Variants in ABHD17A observed in about 807,000 individuals in gnomAD.
ABHD17A encodes the protein alpha/beta hydrolase domain-containing protein 17A.
Under a neutral mutation model 26.8 loss-of-function variants are expected in ABHD17A, and 10 were observed. The ratio of observed to expected loss-of-function variants is 0.37; its 90% CI spans 0.23 to 0.63. ABHD17A has a LOEUF of 0.63. Among genes scored for constraint, ABHD17A ranks in the 30% least tolerant of loss-of-function variants. The pLI, the probability that ABHD17A is intolerant of heterozygous loss-of-function variation, is 0.61. For synonymous variants in ABHD17A, 167 were observed against 210.9 expected (o/e 0.79, Z 1.80); for missense variants, 292 against 457.3 (o/e 0.64, Z 3.30).
At chr19:1,884,604 G>C (rs964238568) in intron 1 of ABHD17A, among the ~76,000 whole-genome samples, 6 of 152,206 alleles carry the variant, frequency 3.9e-5, no homozygotes, top group South Asian at 2.1e-4. Context: ...AACCCGCCTG[G>C]GGGGAGGCGC....
At position 1,881,518 on chromosome 19, in the gene ABHD17A, G is replaced by A. The variant is rs2012532424; in HGVS notation, c.49C>T (p.Pro17Ser). 6.2e-7 allele frequency: 1 copy of A among 1,604,232 alleles called. No homozygotes were observed. The highest frequency in any genetic ancestry group is 8.5e-7 in the Non-Finnish European group (1 of 1,178,838). The change falls in exon 2 of 5, where the codon CCC becomes TCC. Residue 17 changes from proline to serine, a missense_variant. By Grantham distance (74) the Pro-to-Ser change is moderately conservative. This residue lies in a region of ABHD17A where 171 missense variants were observed against 216.1 expected (regional missense o/e 0.79). Coordinates refer to ENST00000292577, the MANE Select transcript of ABHD17A (RefSeq NM_001130111.2). ...SELCCLFCCP[P>S]CPGRIAAKLA... is the part of the protein sequence containing the mutation. The stretch of plus-strand genomic sequence containing the variant: ...TTGGCAGCGATGCGGCCGGGGCAGG[G>A]CGGGCAGCAGAAGAGGCAGCAGAGC...
Position 1,885,418 on chromosome 19 carries a change from C to A in ABHD17A, c.-305G>T, listed in dbSNP as rs1244593948. The A allele has an allele frequency of 1.3e-5, 2 of 152,386 alleles. No homozygotes were observed. Among genetic ancestry groups the A allele is most frequent in the Non-Finnish European group, 2.9e-5 (2 of 67,986 alleles). 9.4% of individuals were successfully genotyped at this position (152,386 alleles called of 1,614,324 possible). On this transcript the variant is annotated 5_prime_UTR_variant, in exon 1 of 5. Coordinates refer to ENST00000292577, the MANE Select transcript of ABHD17A (RefSeq NM_001130111.2). Reference sequence around the variant, plus strand: ...GGCTCCCGGCCGCCCGCCCGTGCGTCCGTCGGTCCCTCCGCACCCCTGCCC... The same window carrying A: ...GGCTCCCGGCCGCCCGCCCGTGCGTACGTCGGTCCCTCCGCACCCCTGCCC...
rs4807158 is a variant in ABHD17A at position 1,880,344 on chromosome 19, C to G, written c.333-229G>C. On this transcript the variant is annotated intron_variant, in intron 2 of 4. Coordinates refer to ENST00000292577, the MANE Select transcript of ABHD17A (RefSeq NM_001130111.2). The surrounding 1 kb of genome is among the most constrained non-coding windows in gnomAD (Gnocchi z 4.1). The stretch of plus-strand genomic sequence containing the variant: ...GAGGACAGGACAGCTGGCAGGGGGA[C>G]AGGCAGCCTGGGCTGCAGAGGCCAG... Among the ~76,000 whole-genome samples the G allele has an allele frequency of 0.15, 22,462 of 152,232 alleles. 2,053 individuals carry two copies. Among genetic ancestry groups the G allele is most frequent in the East Asian group, 0.32 (1,678 of 5,172 alleles).
rs116454773 is a variant in ABHD17A, at chr19:1,880,905, A to T, written c.332+330T>A. ...CTGGTCAGAACCCCACCTGGCGAGA[A>T]GGTGGATGTACCCGCAGGCCAGGGC... On this transcript the variant is annotated intron_variant, in intron 2 of 4. Transcript: ENST00000292577. This position sits in a 1 kb window ranked among gnomAD's most constrained non-coding sequence, Gnocchi z 4.1. 6.2e-7 allele frequency: 1 copy of T among 1,612,954 alleles called. No homozygotes were observed. The highest frequency in any genetic ancestry group is 1.3e-5 in the African/African-American group (1 of 74,936).
Position 1,877,396 on chromosome 19 carries a change from G to A in ABHD17A, c.737C>T (p.Pro246Leu), listed in dbSNP as rs766080707. 6.4e-7 allele frequency: 1 copy of A among 1,567,496 alleles called. No individual in the cohort carries two copies. Among genetic ancestry groups the A allele is most frequent in the East Asian group, 2.3e-5 (1 of 43,730 alleles). ...CTCCGTGCCGTGGATGATGAGCACG[G>A]GAGACGTGATCTTGGACACCTTCTC... The part of the protein sequence containing the change: ...NIEKVSKITS[P>L]VLIIHGTEDE... The change falls in exon 5 of 5, where the codon CCC (proline) becomes CTC (leucine). Residue 246 changes from proline to leucine, a missense_variant. Physicochemically the swap from Pro to Leu is moderately conservative, Grantham distance 98. Transcript: ENST00000292577.
At chr19:1,882,814 G>A (rs752882219) in intron 1 of ABHD17A, 1 of 152,036 alleles carries the variant, frequency 6.6e-6, no homozygotes, top group African/African-American at 2.4e-5. Flanking sequence ...AGACTGGAGC[G>A]AGGAGAGAGA....
chr19:1,876,998 C>T lies in ABHD17A; in HGVS notation c.*202G>A, dbSNP rs1456747021. On this transcript the variant is annotated 3_prime_UTR_variant, in exon 5 of 5. Transcript: ENST00000292577. ...CCCTAAAATTTTAAATCTTTAATTTCCGTTTTCACGTATTTTCTTCTTGCT... is the reference window on the plus strand; with the variant it reads ...CCCTAAAATTTTAAATCTTTAATTTTCGTTTTCACGTATTTTCTTCTTGCT... The T allele has an allele frequency of 1.7e-6, 1 of 583,778 alleles. No individual in the cohort carries two copies. The highest frequency in any genetic ancestry group is 3.0e-6 in the Non-Finnish European group (1 of 328,134). The allele number at this position is 583,778 out of a possible 1,614,324, so 36.2% of individuals were successfully genotyped here. A position where few individuals can be genotyped will look rare whatever the true frequency, so the allele number is the denominator to read the frequency against.
At position 1,880,991 on chromosome 19, in the gene ABHD17A, G is replaced by A. The variant is rs142885810; in HGVS notation, c.332+244C>T. 1.5e-4 allele frequency: 237 copies of A among 1,612,216 alleles called. No individual in the cohort carries two copies. The highest frequency in any genetic ancestry group is 1.8e-4 in the East Asian group (8 of 44,868). The stretch of plus-strand genomic sequence containing the variant: ...CACCAGGCGCTGGGTTGTTGGAGTC[G>A]CCCAGCCTGCCCACCCATGCCAGCT... On this transcript the variant is annotated intron_variant, in intron 2 of 4. Coordinates refer to ENST00000292577, the MANE Select transcript of ABHD17A (RefSeq NM_001130111.2). The surrounding 1 kb of genome is among the most constrained non-coding windows in gnomAD (Gnocchi z 4.1).
Position 1,881,458 on chromosome 19 carries a change from G to C in ABHD17A, c.109C>G (p.Leu37Val). ...GGCCCCGGCTCGGGCTCAGGCACCA[G>C]GGAGTAGGTGGCCTCCGGCGGCAGG... ...AFLPPEATYS[L>V]VPEPEPGPGG... Residue 37 changes from leucine (L) to valine (V), a missense_variant, in exon 2 of 5, where the codon CTG (leucine) becomes GTG (valine). By Grantham distance (32) the Leu-to-Val change is conservative. This residue lies in a region of ABHD17A where 171 missense variants were observed against 216.1 expected (regional missense o/e 0.79). Transcript: ENST00000292577. The C allele has an allele frequency of 6.2e-7, 1 of 1,602,610 alleles. No individual in the cohort carries two copies. Among genetic ancestry groups the C allele is most frequent in the Non-Finnish European group, 8.5e-7 (1 of 1,178,228 alleles).
At position 1,880,549 on chromosome 19, in the gene ABHD17A, G is replaced by C. The variant is rs72975668; in HGVS notation, c.333-434C>G. On this transcript the variant is annotated intron_variant, in intron 2 of 4. Transcript: ENST00000292577. This position sits in a 1 kb window ranked among gnomAD's most constrained non-coding sequence, Gnocchi z 4.1. Reference sequence around the variant, plus strand: ...GGCCCACCTTTCAGGACCTTCCCAGGGGAGCCCATGCTGCTGCTGGCAGGG... The same window carrying C: ...GGCCCACCTTTCAGGACCTTCCCAGCGGAGCCCATGCTGCTGCTGGCAGGG... Among the ~76,000 whole-genome samples, 37 of 152,164 alleles carry C rather than the reference G, an allele frequency of 2.4e-4. No individual in the cohort carries two copies. The highest frequency in any genetic ancestry group is 4.6e-4 in the Admixed American group (7 of 15,286).
chr19:1,877,465 G>T (rs1279599011), intron 4 of ABHD17A, 40 bp from the exon 5 acceptor site: 1 of 1,573,204 alleles, frequency 6.4e-7, no homozygotes. Context: ...TTCGCGCCCG[G>T]CCCGGGCCCC....
chr19:1,885,415 C>G lies in ABHD17A; in HGVS notation c.-302G>C, dbSNP rs1177713656. 1 of 152,382 alleles carries G rather than the reference C, an allele frequency of 6.6e-6. No homozygotes were observed. The highest frequency in any genetic ancestry group is 1.5e-5 in the Non-Finnish European group (1 of 67,930). 9.4% of individuals were successfully genotyped at this position (152,382 alleles called of 1,614,324 possible). A position where few individuals can be genotyped will look rare whatever the true frequency, so the allele number is the denominator to read the frequency against. On this transcript the variant is annotated 5_prime_UTR_variant, in exon 1 of 5. Coordinates refer to ENST00000292577, the MANE Select transcript of ABHD17A (RefSeq NM_001130111.2). Reference sequence around the variant, plus strand: ...CATGGCTCCCGGCCGCCCGCCCGTGCGTCCGTCGGTCCCTCCGCACCCCTG... The same window carrying G: ...CATGGCTCCCGGCCGCCCGCCCGTGGGTCCGTCGGTCCCTCCGCACCCCTG...
chr19:1,884,650 CAG>C (rs1368599226), intron 1 of ABHD17A, among the ~76,000 whole-genome samples: 1 of 151,920 alleles, frequency 6.6e-6, no homozygotes, highest in Non-Finnish European at 1.5e-5. Flanking sequence ...GGCCAGGTGA[CAG>C]GGGGATGGGA....
In ABHD17A at chr19:1,881,089, G is replaced by A. The variant is rs758873998; in HGVS notation, c.332+146C>T. The A allele has an allele frequency of 1.8e-5, 28 of 1,578,882 alleles. No individual in the cohort carries two copies. In the East Asian group the frequency reaches 2.7e-4, roughly 15 times the overall value. On this transcript the variant is annotated intron_variant, in intron 2 of 4. Transcript: ENST00000292577. ...GCCAGAGGGACGAGGCCGGCCTGAC[G>A]GGGGATACCACCCTTGCTGGCTGGA...
intron 1 of ABHD17A, 88 bp from the exon 2 acceptor site, chr19:1,881,892 A>AG (rs761622959): frequency 7.0e-6 from 2 of 286,110 alleles, no homozygotes. Context: ...CACCCGTGCC[A>AG]GGGGGCGGCA....
chr19:1,877,090 G>C lies in ABHD17A; in HGVS notation c.*110C>G, dbSNP rs557799947. 2.0e-4 allele frequency: 201 copies of C among 996,972 alleles called. 1 individual carries two copies. In the East Asian group the frequency reaches 4.6e-3, roughly 23 times the overall value. The allele number at this position is 996,972 out of a possible 1,614,324, so 61.8% of individuals were successfully genotyped here. ...GTCCACAGCCCCTGGGTCGGGGCGG[G>C]GTCCCCTGGGCCGCCCGGGGGGTCC... On this transcript the variant is annotated 3_prime_UTR_variant, in exon 5 of 5. Coordinates refer to ENST00000292577, the MANE Select transcript of ABHD17A (RefSeq NM_001130111.2).
Position 1,877,576 on chromosome 19 carries a change from C to T in ABHD17A, c.639G>A (p.Pro213=), listed in dbSNP as rs1439681473. 2 of 1,595,240 alleles carry T rather than the reference C, an allele frequency of 1.3e-6. No individual in the cohort carries two copies. The highest frequency in any genetic ancestry group is 2.2e-5 in the East Asian group (1 of 44,794). Residue 213 remains proline, a synonymous_variant, in exon 4 of 5, where the codon CCG becomes CCA. Coordinates refer to ENST00000292577, the MANE Select transcript of ABHD17A (RefSeq NM_001130111.2). ...AGGCGACGCGCATGCCCGAGGTGAG[C>T]GGCGAGTGCAGCACCACCGCGGCAC... ...YECAAVVLHS[P]LTSGMRVAFP... is the part of the protein sequence containing the mutation.
Position 1,879,924 on chromosome 19 carries a change from G to C in ABHD17A, c.524C>G (p.Thr175Ser), listed in dbSNP as rs775741808. ...DIDAAWQALR[T>S]RYGISPDSII... ...CTGCCCCCAGGGTCGCCCTCACCTG[G>C]TGCGCAGGGCCTGCCAGGCGGCGTC... is the stretch of plus-strand genomic sequence containing the variant. Residue 175 changes from threonine (T) to serine (S), a missense_variant, in exon 3 of 5, where the codon ACC (threonine) becomes AGC (serine). This residue lies in a region of ABHD17A where 25 missense variants were observed against 40.3 expected (regional missense o/e 0.62). Transcript: ENST00000292577. This position sits in a 1 kb window ranked among gnomAD's most constrained non-coding sequence, Gnocchi z 7.6. The C allele has an allele frequency of 8.1e-6, 13 of 1,606,148 alleles. No individual in the cohort carries two copies. In the Admixed American group the frequency reaches 2.2e-4, roughly 27 times the overall value.
intron 1 of ABHD17A, chr19:1,882,249 C>G (rs1388484260): frequency 6.6e-6 from 1 of 152,444 alleles, no homozygotes; most frequent in East Asian, 1.9e-4. Flanking sequence ...GGACAGAGCT[C>G]GAACTGAAGG....
Sources: gnomAD v4.1 joint callset for allele counts (sites outside exome capture counted in the v4.1 genomes callset) on GRCh38, gnomAD v4.1.1 for gene constraint, gnomAD v4.1.1 regional missense constraint, Gnocchi (gnomAD v3.1) non-coding constraint, MANE v1.5 for transcripts, NCBI Gene and HGNC (gene_info 2026-07-23, HGNC 2026-07-21) for gene names.